Variants in C1orf167 observed in about 807,000 individuals in gnomAD.
C1orf167 encodes the protein uncharacterized protein C1orf167.
A neutral mutation model predicts 176.5 loss-of-function variants in C1orf167; 153 were observed. The ratio of observed to expected loss-of-function variants is 0.87; its 90% CI spans 0.76 to 0.99. The LOEUF (loss-of-function observed/expected upper bound fraction) is 0.99, where lower values mean the gene tolerates loss of function less well. C1orf167 is among the 50% of genes least tolerant of loss of function. The pLI is 0.00. For missense variants in C1orf167, 1,490 were observed against 1,817.7 expected (o/e 0.82, Z 3.28); for synonymous variants, 594 against 752.7 (o/e 0.79, Z 3.45).
chr1:11,767,465 T>C (rs1642856906), intron 4 of C1orf167, among the ~76,000 whole-genome samples: 1 of 152,120 alleles, frequency 6.6e-6, no homozygotes, highest in Non-Finnish European at 1.5e-5. Context: ...AAGGGACTGA[T>C]GCTCATGGGT....
intron 10 of C1orf167, chr1:11,777,193 A>C (rs1387263304): frequency 6.5e-6 from 1 of 152,752 alleles, no homozygotes; most frequent in Non-Finnish European, 1.5e-5. Flanking sequence ...AGGAGCAAGA[A>C]GGTCCTGTGT....
intron 6 of C1orf167, among the ~76,000 whole-genome samples, chr1:11,770,277 A>G (rs974188956): frequency 3.3e-5 from 5 of 152,106 alleles, no homozygotes; most frequent in East Asian, 1.9e-4. Context: ...AAAATGTGCA[A>G]TGTGAAAATC....
chr1:11,781,563 A>T (rs986809939), intron 13 of C1orf167, among the ~76,000 whole-genome samples: 2 of 152,210 alleles, frequency 1.3e-5, no homozygotes, highest in Non-Finnish European at 2.9e-5. Context: ...ATTCCCCGGC[A>T]GGAACACTGA....
intron 10 of C1orf167, chr1:11,778,321 A>G (rs56313628): frequency 0.11 from 15,900 of 143,630 alleles, 960 homozygotes; most frequent in South Asian, 0.19. Flanking sequence ...AAAAAGCATC[A>G]GCCCAGTCAG....
Position 11,775,469 on chromosome 1 carries a change from G to A in C1orf167, c.2023G>A (p.Gly675Arg). Residue 675 changes from glycine (G) to arginine (R), a missense_variant, in exon 9 of 21, where the codon GGG becomes AGG. Coordinates refer to ENST00000688073, the MANE Select transcript of C1orf167 (RefSeq NM_001010881.2). ...FGAWQQFVQR[G>R]SRYRDHLADR... ...GGCGTGGCAGCAGTTCGTGCAAAGA[G>A]GGTCCCGGTACCGAGACCACCTGGC... 1 of 1,303,500 alleles carries A rather than the reference G, an allele frequency of 7.7e-7. No individual in the cohort carries two copies. Among genetic ancestry groups the A allele is most frequent in the Non-Finnish European group, 1.0e-6 (1 of 988,582 alleles). The allele number at this position is 1,303,500 out of a possible 1,614,324, so 80.7% of individuals were successfully genotyped here.
At position 11,775,516 on chromosome 1, in the gene C1orf167, G is replaced by A. The variant is rs1570403901; in HGVS notation, c.2070G>A (p.Leu690=). 1 of 1,304,280 alleles carries A rather than the reference G, an allele frequency of 7.7e-7. No individual in the cohort carries two copies. Among genetic ancestry groups the A allele is most frequent in the Non-Finnish European group, 1.0e-6 (1 of 988,950 alleles). The allele number at this position is 1,304,280 out of a possible 1,614,324, so 80.8% of individuals were successfully genotyped here. A position where few individuals can be genotyped will look rare whatever the true frequency, so the allele number is the denominator to read the frequency against. Residue 690 remains leucine, a synonymous_variant, in exon 9 of 21, where the codon CTG becomes CTA. Coordinates refer to ENST00000688073, the MANE Select transcript of C1orf167 (RefSeq NM_001010881.2). The part of the protein sequence containing the change: ...DHLADRRTGT[L]RKCLEQWVRM... ...TGGCTGACCGCCGGACGGGGACCCTGAGGAAATGCCTGGAACAGTGGGTGC... is the reference window on the plus strand; with the variant it reads ...TGGCTGACCGCCGGACGGGGACCCTAAGGAAATGCCTGGAACAGTGGGTGC...
chr1:11,780,752 A>G (rs1376488251), intron 13 of C1orf167, among the ~76,000 whole-genome samples: 2 of 152,010 alleles, frequency 1.3e-5, no homozygotes, highest in Non-Finnish European at 2.9e-5. Flanking sequence ...TTAGTCAGGG[A>G]GGGTCCCAGG....
intron 6 of C1orf167, among the ~76,000 whole-genome samples, chr1:11,770,692 C>A (rs1643013122): frequency 6.6e-6 from 1 of 151,088 alleles, no homozygotes; most frequent in Non-Finnish European, 1.5e-5. Flanking sequence ...AAACTCCTGG[C>A]CTCAAGGTAT....
chr1:11,769,522 C>T (rs1642951045), intron 6 of C1orf167, among the ~76,000 whole-genome samples: 1 of 151,972 alleles, frequency 6.6e-6, no homozygotes, highest in South Asian at 2.1e-4. Context: ...GAGCTATGAT[C>T]ATGCCACTGC....
chr1:11,773,616 G>A (rs1036891042), intron 8 of C1orf167, among the ~76,000 whole-genome samples: 1 of 152,122 alleles, frequency 6.6e-6, no homozygotes, highest in Non-Finnish European at 1.5e-5. Context: ...GCTGAGGCAT[G>A]AGAATTGCTT....
At chr1:11,778,105 T>C (rs1226686612) in intron 10 of C1orf167, 1 of 152,132 alleles carries the variant, frequency 6.6e-6, no homozygotes, top group Non-Finnish European at 1.5e-5. Context: ...GGGAGCATGA[T>C]GAGGCCAGCC....
At chr1:11,787,776 C>G (rs1299890900) in intron 17 of C1orf167, 97 bp from the exon 18 acceptor site, 4 of 1,172,412 alleles carry the variant, frequency 3.4e-6, no homozygotes, top group Non-Finnish European at 4.3e-6. Flanking sequence ...GCACCTTCCT[C>G]CACCCTCCTC....
At chr1:11,776,771 G>A (rs954814922) in intron 10 of C1orf167, 133 bp downstream of exon 10, 20 of 889,666 alleles carry the variant, frequency 2.2e-5, no homozygotes, top group Middle Eastern at 5.0e-4. Context: ...ACTCCTCCCC[G>A]TGGCCCTGCA....
Position 11,789,518 on chromosome 1 carries a change from A to G in C1orf167, c.*72A>G. On this transcript the variant is annotated 3_prime_UTR_variant, in exon 21 of 21. Coordinates refer to ENST00000688073, the MANE Select transcript of C1orf167 (RefSeq NM_001010881.2). ...GGAAGGAACCATGCCCCACACATCC[A>G]GGGAGTGATGACAGAGGGGACAGCT... is the stretch of plus-strand genomic sequence containing the variant. The G allele has an allele frequency of 8.1e-7, 1 of 1,238,654 alleles. No homozygotes were observed. The highest frequency in any genetic ancestry group is 1.1e-6 in the Non-Finnish European group (1 of 944,508). The allele number at this position is 1,238,654 out of a possible 1,614,324, so 76.7% of individuals were successfully genotyped here.
At chr1:11,787,272 T>C (rs1168807946) in intron 16 of C1orf167, 116 bp from the exon 17 acceptor site, 1 of 321,764 alleles carries the variant, frequency 3.1e-6, no homozygotes, top group African/African-American at 2.5e-5. Flanking sequence ...CATGGGGGAA[T>C]GGGTGGAAGA....
rs756090137 is a variant in C1orf167, at chr1:11,766,207, G to A, written c.421G>A (p.Gly141Arg). The A allele has an allele frequency of 2.3e-6, 3 of 1,289,706 alleles. No homozygotes were observed. The highest frequency in any genetic ancestry group is 2.5e-5 in the South Asian group (2 of 81,026). The allele number at this position is 1,289,706 out of a possible 1,614,324, so 79.9% of individuals were successfully genotyped here. The change falls in exon 3 of 21, where the codon GGA (glycine) becomes AGA (arginine). Residue 141 changes from glycine to arginine, a missense_variant. Coordinates refer to ENST00000688073, the MANE Select transcript of C1orf167 (RefSeq NM_001010881.2). This position sits in a 1 kb window ranked among gnomAD's most constrained non-coding sequence, Gnocchi z 4.5. ...CCCCCACCTCTGCCCAGAGCCTGGGGGAAGCTCTGGGCCCCACAAGCTTCC... is the reference window on the plus strand; with the variant it reads ...CCCCCACCTCTGCCCAGAGCCTGGGAGAAGCTCTGGGCCCCACAAGCTTCC... ...SSPHLCPEPGGSSGPHKLPWG... is the reference protein window; with the variant it reads ...SSPHLCPEPGRSSGPHKLPWG...
At position 11,778,835 on chromosome 1, in the gene C1orf167, G is replaced by A. The variant is rs1189574420; in HGVS notation, c.2496+19G>A. ...GGAGAAGGTGAGAGGTAGGAGGGTG[G>A]GGAGGGGCTGGGGCAGGTAGGGGTG... On this transcript the variant is annotated intron_variant, in intron 11 of 20. Transcript: ENST00000688073. 1 of 1,295,892 alleles carries A rather than the reference G, an allele frequency of 7.7e-7. No individual in the cohort carries two copies. Among genetic ancestry groups the A allele is most frequent in the South Asian group, 1.2e-5 (1 of 80,842 alleles). The allele number at this position is 1,295,892 out of a possible 1,614,324, so 80.3% of individuals were successfully genotyped here.
At chr1:11,780,059 G>A in intron 13 of C1orf167, 49 bp downstream of exon 13, 3 of 1,215,960 alleles carry the variant, frequency 2.5e-6, no homozygotes, top group Non-Finnish European at 3.2e-6. Context: ...CAGGGCCAGG[G>A]TCTGTCTGAG....
intron 8 of C1orf167, among the ~76,000 whole-genome samples, chr1:11,774,626 A>T (rs1485869592): frequency 6.6e-6 from 1 of 152,188 alleles, no homozygotes; most frequent in South Asian, 2.1e-4. Flanking sequence ...CCTGAGGCGT[A>T]GCAGAGCCGA....
Sources: gnomAD v4.1 joint callset for allele counts (sites outside exome capture counted in the v4.1 genomes callset) on GRCh38, gnomAD v4.1.1 for gene constraint, Gnocchi (gnomAD v3.1) non-coding constraint, MANE v1.5 for transcripts, NCBI Gene and HGNC (gene_info 2026-07-23, HGNC 2026-07-21) for gene names.